The following EID2 variants were observed in gnomAD, a reference collection of about 807,000 sequenced individuals.
EID2 encodes the protein EP300-interacting inhibitor of differentiation 2.
EID2 carries 1 observed loss-of-function variant against 2.6 expected under a neutral mutation model. The observed-to-expected ratio is 0.39, with a 90% CI of 0.14 to 1.85. The LOEUF is 1.85. Among genes scored for constraint, EID2 ranks in the 40% most tolerant of loss-of-function variants. The probability of loss-of-function intolerance (pLI) is 0.32; values close to 1 mark genes in which losing one functional copy is unlikely to be tolerated. For missense variants in EID2, 285 were observed against 338.4 expected (o/e 0.84, Z 1.24); for synonymous variants, 126 against 147.2 (o/e 0.86, Z 1.04).
In EID2 at chr19:39,540,158, G is replaced by C. The variant is rs1009194302; in HGVS notation, c.-79C>G. 7.3e-6 allele frequency: 11 copies of C among 1,502,844 alleles called. No individual in the cohort carries two copies. Among genetic ancestry groups the C allele is most frequent in the Non-Finnish European group, 7.2e-6 (8 of 1,113,226 alleles). 93.1% of individuals were successfully genotyped at this position (1,502,844 alleles called of 1,614,324 possible). A position where few individuals can be genotyped will look rare whatever the true frequency, so the allele number is the denominator to read the frequency against. ...AGAGCGATGCCCGGCGGACACCCCA[G>C]TGCGCGTGCGTGGGCGCTATGCGCG... is the stretch of plus-strand genomic sequence containing the variant. On this transcript the variant is annotated 5_prime_UTR_variant, in exon 1 of 1. Transcript: ENST00000390658.
At position 39,539,261 on chromosome 19, in the gene EID2, C is replaced by T; in HGVS notation, c.*108G>A. ...TCCCCCTCCCCCTTTTTTTCCCCTC[C>T]ACCTGTGCACTGTCTTATCGCGATA... On this transcript the variant is annotated 3_prime_UTR_variant, in exon 1 of 1. Coordinates refer to ENST00000390658, the MANE Select transcript of EID2 (RefSeq NM_153232.4). 2.0e-6 allele frequency: 2 copies of T among 1,015,668 alleles called. 1 individual carries two copies. The highest frequency in any genetic ancestry group is 3.4e-5 in the South Asian group (2 of 58,952). The allele number at this position is 1,015,668 out of a possible 1,614,324, so 62.9% of individuals were successfully genotyped here. A position where few individuals can be genotyped will look rare whatever the true frequency, so the allele number is the denominator to read the frequency against.
Position 39,539,897 on chromosome 19 carries a change from ACCTTCCCTGGCCGCCGGCACCGGG to A in EID2, c.159_182del (p.Pro54_Gly61del), listed in dbSNP as rs1286427722. ...GGGCTGCCCTGGCCGCCGCCATCCG[ACCTTCCCTGGCCGCCGGCACCGGG>A]CCTCCCCTGGCCGCCGCCATCGCGC... On this transcript the variant is annotated inframe_deletion, in exon 1 of 1. Transcript: ENST00000390658. 7.1e-7 allele frequency: 1 copy of A among 1,410,606 alleles called. No individual in the cohort carries two copies. The allele number at this position is 1,410,606 out of a possible 1,614,324, so 87.4% of individuals were successfully genotyped here.
At position 39,540,112 on chromosome 19, in the gene EID2, G is replaced by C. The variant is rs761259157; in HGVS notation, c.-33C>G. On this transcript the variant is annotated 5_prime_UTR_variant, in exon 1 of 1. Coordinates refer to ENST00000390658, the MANE Select transcript of EID2 (RefSeq NM_153232.4). Reference sequence around the variant, plus strand: ...CGTGGGGTCAACTCGGCTGCTCCCAGAGAAACTGGAATAACTGGACAGAGC... The same window carrying C: ...CGTGGGGTCAACTCGGCTGCTCCCACAGAAACTGGAATAACTGGACAGAGC... 5.7e-6 allele frequency: 9 copies of C among 1,585,806 alleles called. No individual in the cohort carries two copies. The highest frequency in any genetic ancestry group is 7.7e-6 in the Non-Finnish European group (9 of 1,167,980).
Position 39,539,901 on chromosome 19 carries a change from T to C in EID2, c.179A>G (p.Glu60Gly), listed in dbSNP as rs3746086. Residue 60 changes from glutamate (E) to glycine (G), a missense_variant, in exon 1 of 1, where the codon GAA (glutamate) becomes GGA (glycine). Physicochemically the swap from Glu to Gly is moderately conservative, Grantham distance 98. Transcript: ENST00000390658. ...ARGGPVPAAR[E>G]GRMAAARAAP... ...TGCCCTGGCCGCCGCCATCCGACCT[T>C]CCCTGGCCGCCGGCACCGGGCCTCC... is the stretch of plus-strand genomic sequence containing the variant. 5 of 1,435,712 alleles carry C rather than the reference T, an allele frequency of 3.5e-6. No individual in the cohort carries two copies. In the African/African-American group the frequency reaches 7.5e-5, roughly 21 times the overall value. The allele number at this position is 1,435,712 out of a possible 1,614,324, so 88.9% of individuals were successfully genotyped here.
Position 39,539,093 on chromosome 19 carries a change from T to C in EID2, c.*276A>G, listed in dbSNP as rs1000468934. 7 of 354,484 alleles carry C rather than the reference T, an allele frequency of 2.0e-5. No individual in the cohort carries two copies. The Admixed American group carries it at 2.2e-4, about 11-fold the overall frequency. 22.0% of individuals were successfully genotyped at this position (354,484 alleles called of 1,614,324 possible). On this transcript the variant is annotated 3_prime_UTR_variant, in exon 1 of 1. Coordinates refer to ENST00000390658, the MANE Select transcript of EID2 (RefSeq NM_153232.4). ...GTCTCAATTTTATAAAACCATCCTTTACTTTGTAATAAAGCAATGCTGAGA... is the reference window on the plus strand; with the variant it reads ...GTCTCAATTTTATAAAACCATCCTTCACTTTGTAATAAAGCAATGCTGAGA...
rs764767748 is a variant in EID2 at position 39,539,959 on chromosome 19, C to G, written c.121G>C (p.Glu41Gln). 3.8e-6 allele frequency: 6 copies of G among 1,568,356 alleles called. No individual in the cohort carries two copies. The Admixed American group carries it at 1.1e-4, about 28-fold the overall frequency. Residue 41 changes from glutamate to glutamine, a missense_variant, in exon 1 of 1, where the codon GAG (glutamate) becomes CAG (glutamine). Transcript: ENST00000390658. The stretch of plus-strand genomic sequence containing the variant: ...GCCGCCATCGCGCCTTCCCCGGCCT[C>G]CTCAGGCTGTGCCGGGGCCGGCTCC... The part of the protein sequence containing the change: ...RREPAPAQPE[E>Q]AGEGAMAAAR...
chr19:39,539,707 G>A lies in EID2; in HGVS notation c.373C>T (p.Pro125Ser), dbSNP rs1275196657. The change falls in exon 1 of 1, where the codon CCC becomes TCC. Residue 125 changes from proline to serine, a missense_variant. Transcript: ENST00000390658. ...CCTCCGTTCCCGTGTCTGGACCTGGGCCTGCCCTCGGGACCCTCTTCGTCC... is the reference window on the plus strand; with the variant it reads ...CCTCCGTTCCCGTGTCTGGACCTGGACCTGCCCTCGGGACCCTCTTCGTCC... ...PVDEEGPEGR[P>S]RSRHGNGGLA... is the part of the protein sequence containing the mutation. 6.2e-7 allele frequency: 1 copy of A among 1,613,892 alleles called. No individual in the cohort carries two copies. The highest frequency in any genetic ancestry group is 8.5e-7 in the Non-Finnish European group (1 of 1,179,986).
rs1447778803 is a variant in EID2 at position 39,539,968 on chromosome 19, G to C, written c.112C>G (p.Gln38Glu). 6.3e-6 allele frequency: 10 copies of C among 1,578,052 alleles called. No individual in the cohort carries two copies. Among genetic ancestry groups the C allele is most frequent in the African/African-American group, 1.4e-5 (1 of 72,908 alleles). The change falls in exon 1 of 1, where the codon CAG (glutamine) becomes GAG (glutamate). Residue 38 changes from glutamine (Q) to glutamate (E), a missense_variant. Transcript: ENST00000390658. ...GCGCCTTCCCCGGCCTCCTCAGGCT[G>C]TGCCGGGGCCGGCTCCCGCCTCCCG... is the stretch of plus-strand genomic sequence containing the variant. ...GRGRREPAPAQPEEAGEGAMA... is the reference protein window; with the variant it reads ...GRGRREPAPAEPEEAGEGAMA...
At position 39,539,415 on chromosome 19, in the gene EID2, G is replaced by C; in HGVS notation, c.665C>G (p.Pro222Arg). The C allele has an allele frequency of 6.2e-7, 1 of 1,614,166 alleles. No individual in the cohort carries two copies. The highest frequency in any genetic ancestry group is 8.5e-7 in the Non-Finnish European group (1 of 1,180,030). The change falls in exon 1 of 1, where the codon CCT becomes CGT. Residue 222 changes from proline to arginine, a missense_variant. Physicochemically the swap from Pro to Arg is moderately radical, Grantham distance 103 (BLOSUM62 -2). Coordinates refer to ENST00000390658, the MANE Select transcript of EID2 (RefSeq NM_153232.4). ...ATCGCAACCAAGTTCTTCTATCAGA[G>C]GGTTGATAACTTCAGAGGCAGTCAG... is the stretch of plus-strand genomic sequence containing the variant. ...IALTASEVINPLIEELGCDKF... is the reference protein window; with the variant it reads ...IALTASEVINRLIEELGCDKF...
Position 39,539,808 on chromosome 19 carries a change from C to G in EID2, c.272G>C (p.Gly91Ala). Residue 91 changes from glycine (G) to alanine (A), a missense_variant, in exon 1 of 1, where the codon GGC (glycine) becomes GCC (alanine). Transcript: ENST00000390658. ...CGCCGCCGCCGCCGGGCTTTCCCTG[C>G]CCGCCGCGGCTGCCCTGGCCAACGC... is the stretch of plus-strand genomic sequence containing the variant. ...AAALARAAAA[G>A]RESPAAAAAR... 1 of 1,563,200 alleles carries G rather than the reference C, an allele frequency of 6.4e-7. No homozygotes were observed. The highest frequency in any genetic ancestry group is 8.6e-7 in the Non-Finnish European group (1 of 1,161,356).
chr19:39,539,374 C>T lies in EID2; in HGVS notation c.706G>A (p.Glu236Lys). The T allele has an allele frequency of 6.2e-7, 1 of 1,612,738 alleles. No individual in the cohort carries two copies. Among genetic ancestry groups the T allele is most frequent in the South Asian group, 1.1e-5 (1 of 91,024 alleles). Residue 236 changes from glutamate to lysine, a missense_variant, in exon 1 of 1, where the codon GAA becomes AAA. Coordinates refer to ENST00000390658, the MANE Select transcript of EID2 (RefSeq NM_153232.4). Reference protein sequence around the residue: ...ELGCDKFINRE With the variant: ...ELGCDKFINRK ...GAAGTAGTGTCACCACATAACTATT[C>T]TCTATTGATAAACTTATCGCAACCA...
chr19:39,539,177 A>T lies in EID2; in HGVS notation c.*192T>A. On this transcript the variant is annotated 3_prime_UTR_variant, in exon 1 of 1. Transcript: ENST00000390658. ...ATCAATCACAAACTCAAAGAACGTT[A>T]CAGTTATAATGCTTTCGACATTTTT... is the stretch of plus-strand genomic sequence containing the variant. The T allele has an allele frequency of 1.8e-6, 1 of 555,504 alleles. No homozygotes were observed. Among genetic ancestry groups the T allele is most frequent in the Non-Finnish European group, 3.2e-6 (1 of 316,542 alleles). 34.4% of individuals were successfully genotyped at this position (555,504 alleles called of 1,614,324 possible). A position where few individuals can be genotyped will look rare whatever the true frequency, so the allele number is the denominator to read the frequency against.
rs1345335547 is a variant in EID2, at chr19:39,539,925, C to T, written c.155G>A (p.Gly52Glu). The change falls in exon 1 of 1, where the codon GGA becomes GAA. Residue 52 changes from glycine (G) to glutamate (E), a missense_variant. Physicochemically the swap from Gly to Glu is moderately conservative, Grantham distance 98. Transcript: ENST00000390658. ...TTCCCTGGCCGCCGGCACCGGGCCT[C>T]CCCTGGCCGCCGCCATCGCGCCTTC... ...AGEGAMAAAR[G>E]GPVPAAREGR... 1 of 1,495,392 alleles carries T rather than the reference C, an allele frequency of 6.7e-7. No individual in the cohort carries two copies. Among genetic ancestry groups the T allele is most frequent in the Non-Finnish European group, 8.9e-7 (1 of 1,128,004 alleles). The allele number at this position is 1,495,392 out of a possible 1,614,324, so 92.6% of individuals were successfully genotyped here.
Position 39,539,817 on chromosome 19 carries a change from G to C in EID2, c.263C>G (p.Ala88Gly). 6.5e-7 allele frequency: 1 copy of C among 1,535,666 alleles called. No individual in the cohort carries two copies. Among genetic ancestry groups the C allele is most frequent in the Middle Eastern group, 2.2e-4 (1 of 4,606 alleles). The change falls in exon 1 of 1, where the codon GCC becomes GGC. Residue 88 changes from alanine to glycine, a missense_variant. By Grantham distance (60) the Ala-to-Gly change is moderately conservative (BLOSUM62 0). Transcript: ENST00000390658. The part of the protein sequence containing the change: ...PVAAAALARA[A>G]AAGRESPAAA... ...CGCCGGGCTTTCCCTGCCCGCCGCG[G>C]CTGCCCTGGCCAACGCCGCCGCTGC...
chr19:39,539,508 G>A lies in EID2; in HGVS notation c.572C>T (p.Ala191Val), dbSNP rs764483293. 5 of 1,614,260 alleles carry A rather than the reference G, an allele frequency of 3.1e-6. No homozygotes were observed. The highest frequency in any genetic ancestry group is 3.3e-5 in the Admixed American group (2 of 60,034). ...FVEACRAREAAFDAEYQRNPH... is the reference protein window; with the variant it reads ...FVEACRAREAVFDAEYQRNPH... ...ATTTCGCTGATATTCGGCATCAAACGCTGCTTCCCTTGCTCTGCAGGCTTC... is the reference window on the plus strand; with the variant it reads ...ATTTCGCTGATATTCGGCATCAAACACTGCTTCCCTTGCTCTGCAGGCTTC... Residue 191 changes from alanine to valine, a missense_variant, in exon 1 of 1, where the codon GCG becomes GTG. Transcript: ENST00000390658.
In EID2 at chr19:39,539,091, T is replaced by C. The variant is rs1430486200; in HGVS notation, c.*278A>G. On this transcript the variant is annotated 3_prime_UTR_variant, in exon 1 of 1. Transcript: ENST00000390658. ...CAGTCTCAATTTTATAAAACCATCCTTTACTTTGTAATAAAGCAATGCTGA... is the reference window on the plus strand; with the variant it reads ...CAGTCTCAATTTTATAAAACCATCCCTTACTTTGTAATAAAGCAATGCTGA... 5.7e-6 allele frequency: 2 copies of C among 350,938 alleles called. No homozygotes were observed. Among genetic ancestry groups the C allele is most frequent in the Non-Finnish European group, 1.1e-5 (2 of 190,252 alleles). 21.7% of individuals were successfully genotyped at this position (350,938 alleles called of 1,614,324 possible).
rs1276981591 is a variant in EID2, at chr19:39,540,109, C to T, written c.-30G>A. On this transcript the variant is annotated 5_prime_UTR_variant, in exon 1 of 1. Transcript: ENST00000390658. ...GACCGTGGGGTCAACTCGGCTGCTC[C>T]CAGAGAAACTGGAATAACTGGACAG... The T allele has an allele frequency of 6.3e-7, 1 of 1,586,852 alleles. No individual in the cohort carries two copies. Among genetic ancestry groups the T allele is most frequent in the African/African-American group, 1.4e-5 (1 of 72,142 alleles).
In EID2 at chr19:39,539,781, G is replaced by GCCGCCGCCGCCGCCGGGCTTTCCCTGC. The variant is rs1972062291; in HGVS notation, c.272_298dup (p.Gly91_Ala99dup). ...GACCTCCGCCATCCGGGCTTCCCTG[G>GCCGCCGCCGCCGCCGGGCTTTCCCTGC]CCGCCGCCGCCGCCGGGCTTTCCCT... On this transcript the variant is annotated inframe_insertion, in exon 1 of 1. Transcript: ENST00000390658. The GCCGCCGCCGCCGCCGGGCTTTCCCTGC allele has an allele frequency of 4.4e-6, 7 of 1,585,586 alleles. No individual in the cohort carries two copies. The highest frequency in any genetic ancestry group is 1.3e-5 in the African/African-American group (1 of 74,146).
Position 39,539,603 on chromosome 19 carries a change from G to A in EID2, c.477C>T (p.His159=), listed in dbSNP as rs1373116709. ...LGINYQQFLR[H]YLENYPIAPG... is the part of the protein sequence containing the mutation. ...GAGCAATCGGGTAATTTTCCAGATA[G>A]TGGCGGAGAAACTGCTGGTAATTGA... The change falls in exon 1 of 1, where the codon CAC becomes CAT. Residue 159 remains histidine, a synonymous_variant. Transcript: ENST00000390658. 6 of 1,614,278 alleles carry A rather than the reference G, an allele frequency of 3.7e-6. No individual in the cohort carries two copies. The highest frequency in any genetic ancestry group is 4.2e-6 in the Non-Finnish European group (5 of 1,180,048).
Sources: allele counts gnomAD v4.1 joint callset, GRCh38; gene constraint gnomAD v4.1.1; transcripts MANE v1.5; gene names NCBI Gene and HGNC (gene_info 2026-07-23, HGNC 2026-07-21).